FAM181A: variants seen among roughly 807,000 people sequenced by gnomAD.
FAM181A encodes family with sequence similarity 181 member A.
In FAM181A, 7 loss-of-function variants were observed where a neutral mutation model predicts 16.3. The observed-to-expected ratio is 0.43, with a 90% CI of 0.24 to 0.81. The LOEUF (loss-of-function observed/expected upper bound fraction) is 0.81, where lower values mean the gene tolerates loss of function less well. Ranked by LOEUF, FAM181A falls within the 30% of genes least tolerant of loss-of-function variation. The pLI, the probability that FAM181A is intolerant of heterozygous loss-of-function variation, is 0.24. For synonymous variants in FAM181A, 183 were observed against 164.9 expected (o/e 1.11, Z -0.84); for missense variants, 349 against 377.5 (o/e 0.92, Z 0.63).
chr14:93,925,521 C>G (rs1887871753), upstream of FAM181A: 1 of 653,102 alleles, frequency 1.5e-6, no homozygotes, highest in Non-Finnish European at 2.5e-6. Flanking sequence ...TGTTTTGGAG[C>G]AGAAAGGATG....
At chr14:93,926,856 G>C (rs1397228462), upstream of FAM181A, 1 of 152,278 alleles carries the variant, frequency 6.6e-6, no homozygotes, top group Non-Finnish European at 1.5e-5. This position sits in a 1 kb window ranked among gnomAD's most constrained non-coding sequence, Gnocchi z 5.2. Context: ...GAGAGAGTGA[G>C]AGCGAGAGAG....
chr14:93,926,120 G>C (rs1887895868), upstream of FAM181A, among the ~76,000 whole-genome samples: 1 of 152,128 alleles, frequency 6.6e-6, no homozygotes, highest in Admixed American at 6.5e-5. This position sits in a 1 kb window ranked among gnomAD's most constrained non-coding sequence, Gnocchi z 5.2. Flanking sequence ...GCAGTAGAAG[G>C]GGAAGAGAAA....
chr14:93,919,413 T>C lies in FAM181A; in HGVS notation c.-225+419T>C, dbSNP rs79716339. On this transcript the variant is annotated intron_variant, in intron 1 of 2. Transcript: ENST00000267594. ...GCTGTGGGGTCTTCGTCAAGTCACTTAGTCAACCTGTGCCTCAGTGTCCTC... is the reference window on the plus strand; with the variant it reads ...GCTGTGGGGTCTTCGTCAAGTCACTCAGTCAACCTGTGCCTCAGTGTCCTC... Among the ~76,000 whole-genome samples the C allele has an allele frequency of 3.3e-5, 5 of 152,348 alleles. No homozygotes were observed. The East Asian group carries it at 9.6e-4, about 29-fold the overall frequency.
chr14:93,927,707 G>T, intron 1 of FAM181A: 1 of 1,172,786 alleles, frequency 8.5e-7, no homozygotes, highest in Non-Finnish European at 1.1e-6. Flanking sequence ...GACTGAGGAG[G>T]GGGGCTGGTG....
chr14:93,927,330 C>T, upstream of FAM181A: 1 of 1,091,716 alleles, frequency 9.2e-7, no homozygotes, highest in Non-Finnish European at 1.1e-6. Context: ...CTCCATTCAG[C>T]CCACTCAAGG....
At chr14:93,927,776 G>C in intron 1 of FAM181A, 1 of 691,402 alleles carries the variant, frequency 1.4e-6, no homozygotes, top group Non-Finnish European at 2.0e-6. Flanking sequence ...GGAGGAAGGG[G>C]GCTTGGCCTT....
intron 1 of FAM181A, among the ~76,000 whole-genome samples, chr14:93,920,465 A>C (rs1162510983): frequency 6.6e-6 from 1 of 151,960 alleles, no homozygotes; most frequent in Non-Finnish European, 1.5e-5. Flanking sequence ...GAAGGAAAGA[A>C]GGAAAGAAGG....
rs764179723 is a variant in FAM181A, at chr14:93,928,529, G to A, written c.244G>A (p.Asp82Asn). The A allele has an allele frequency of 4.3e-6, 7 of 1,611,744 alleles. No individual in the cohort carries two copies. Among genetic ancestry groups the A allele is most frequent in the South Asian group, 1.1e-5 (1 of 91,052 alleles). ...SEDRPRRLLL[D>N]LGPDSSPGGG... ...GGACCGGCCCAGGAGGCTGCTCCTGGATTTGGGCCCTGATTCCAGCCCCGG... is the reference window on the plus strand; with the variant it reads ...GGACCGGCCCAGGAGGCTGCTCCTGAATTTGGGCCCTGATTCCAGCCCCGG... Residue 82 changes from aspartate to asparagine, a missense_variant, in exon 2 of 2, where the codon GAT becomes AAT. By Grantham distance (23) the Asp-to-Asn change is conservative. Transcript: ENST00000556222.
Position 93,929,061 on chromosome 14 carries a change from T to C in FAM181A, c.776T>C (p.Val259Ala), listed in dbSNP as rs147001146. ...PGELAHLCKD[V>A]DGLGQKVCRP... The stretch of plus-strand genomic sequence containing the variant: ...GAGCTGGCGCACCTCTGCAAGGATG[T>C]GGACGGCCTGGGGCAGAAGGTGTGC... The change falls in exon 2 of 2, where the codon GTG becomes GCG. Residue 259 changes from valine (V) to alanine (A), a missense_variant. By Grantham distance (64) the Val-to-Ala change is moderately conservative (BLOSUM62 0). Transcript: ENST00000556222. The C allele has an allele frequency of 1.6e-4, 250 of 1,587,812 alleles. No homozygotes were observed. The highest frequency in any genetic ancestry group is 1.7e-4 in the Non-Finnish European group (204 of 1,166,094).
Position 93,929,087 on chromosome 14 carries a change from A to AG in FAM181A, c.804dup (p.Pro269AlafsTer115). The AG allele has an allele frequency of 6.4e-7, 1 of 1,551,232 alleles. No homozygotes were observed. Among genetic ancestry groups the AG allele is most frequent in the Non-Finnish European group, 8.7e-7 (1 of 1,149,194 alleles). Reference sequence around the variant, plus strand: ...GGACGGCCTGGGGCAGAAGGTGTGCAGGCCCGTGGTGCTGAAACCCATCCC... The same window carrying AG: ...GGACGGCCTGGGGCAGAAGGTGTGCAGGGCCCGTGGTGCTGAAACCCATCCC... On this transcript the variant is annotated frameshift_variant, in exon 2 of 2. Transcript: ENST00000556222. LOFTEE classifies it high-confidence loss of function.
At chr14:93,925,473 A>C, upstream of FAM181A, 1 of 1,059,156 alleles carries the variant, frequency 9.4e-7, no homozygotes, top group South Asian at 1.6e-5. Flanking sequence ...TGGTGGCCAC[A>C]GGCCCTCAGG....
chr14:93,928,855 C>G lies in FAM181A; in HGVS notation c.570C>G (p.Ala190=). The change falls in exon 2 of 2, where the codon GCC becomes GCG. Residue 190 remains alanine, a synonymous_variant. Coordinates refer to ENST00000556222, the MANE Select transcript of FAM181A (RefSeq NM_001207073.2). ...ETTLVSMSPR[A]LAEKEPLKMP... The stretch of plus-strand genomic sequence containing the variant: ...CCCTGGTGTCCATGTCTCCAAGGGC[C>G]CTGGCTGAAAAGGAGCCGCTCAAGA... 1 of 1,614,106 alleles carries G rather than the reference C, an allele frequency of 6.2e-7. No individual in the cohort carries two copies. The highest frequency in any genetic ancestry group is 8.5e-7 in the Non-Finnish European group (1 of 1,179,978).
Position 93,928,931 on chromosome 14 carries a change from T to C in FAM181A, c.646T>C (p.Phe216Leu). The change falls in exon 2 of 2, where the codon TTC becomes CTC. Residue 216 changes from phenylalanine to leucine, a missense_variant. Phe to Leu is a conservative substitution (Grantham distance 22, BLOSUM62 0). Coordinates refer to ENST00000556222, the MANE Select transcript of FAM181A (RefSeq NM_001207073.2). ...CGTCAATGCCTGGAGTTGCTGCCCC[T>C]TCCAGTACCATGGACAGCCCATCTA... ...GRVNAWSCCP[F>L]QYHGQPIYPG... is the part of the protein sequence containing the mutation. 6.2e-7 allele frequency: 1 copy of C among 1,614,126 alleles called. No homozygotes were observed. The highest frequency in any genetic ancestry group is 1.3e-5 in the African/African-American group (1 of 75,042).
upstream of FAM181A, chr14:93,927,191 G>A: frequency 1.4e-6 from 1 of 735,920 alleles, no homozygotes; most frequent in Non-Finnish European, 1.7e-6. Flanking sequence ...TTTTGTGATG[G>A]TCCCCATGGT....
At chr14:93,927,748 G>T in intron 1 of FAM181A, 2 of 844,352 alleles carry the variant, frequency 2.4e-6, no homozygotes, top group Non-Finnish European at 3.1e-6. Flanking sequence ...AGTGGTGGGA[G>T]GGGGAGGCTA....
upstream of FAM181A, chr14:93,927,194 C>G: frequency 4.0e-6 from 3 of 757,534 alleles, no homozygotes; most frequent in South Asian, 1.7e-4. Context: ...TGTGATGGTC[C>G]CCATGGTGAC....
chr14:93,929,014 G>A lies in FAM181A; in HGVS notation c.729G>A (p.Arg243=). ...QSPVPSLGLW[R]KSPAFPGELA... is the part of the protein sequence containing the mutation. ...CTGTCCCCAGCCTGGGCCTTTGGAG[G>A]AAGAGCCCAGCCTTTCCCGGGGAGC... The change falls in exon 2 of 2, where the codon AGG becomes AGA. Residue 243 remains arginine, a synonymous_variant. Transcript: ENST00000556222. 1 of 1,609,000 alleles carries A rather than the reference G, an allele frequency of 6.2e-7. No homozygotes were observed. Among genetic ancestry groups the A allele is most frequent in the Non-Finnish European group, 8.5e-7 (1 of 1,177,062 alleles).
upstream of FAM181A, among the ~76,000 whole-genome samples, chr14:93,925,646 G>A (rs992489516): frequency 2.6e-5 from 4 of 151,972 alleles, no homozygotes; most frequent in South Asian, 2.1e-4. Context: ...AAAGGTTGCC[G>A]CAGGCAGGAG....
upstream of FAM181A, among the ~76,000 whole-genome samples, chr14:93,924,316 G>A (rs1238424508): frequency 6.6e-6 from 1 of 152,204 alleles, no homozygotes; most frequent in African/African-American, 2.4e-5. Flanking sequence ...TTTAAGAATG[G>A]CTGAGAGGAC....
Sources: allele counts gnomAD v4.1 joint callset (sites outside exome capture counted in the v4.1 genomes callset), GRCh38; gene constraint gnomAD v4.1.1; non-coding constraint Gnocchi (gnomAD v3.1); transcripts MANE v1.5; gene names NCBI Gene and HGNC (gene_info 2026-07-23, HGNC 2026-07-21).